Variants in MTMR7 observed in about 807,000 individuals in gnomAD.
MTMR7 encodes myotubularin related protein 7.
Under a neutral mutation model 81.2 loss-of-function variants are expected in MTMR7, and 76 were observed. That is an observed-to-expected ratio of 0.94 (90% CI 0.78 to 1.13). The LOEUF (loss-of-function observed/expected upper bound fraction) is 1.13. MTMR7 is among the 50% of genes most tolerant of loss of function. The probability of loss-of-function intolerance (pLI) is 0.00; values close to 1 mark genes in which losing one functional copy is unlikely to be tolerated. For missense variants in MTMR7, 1,044 were observed against 820.0 expected (o/e 1.27, Z -3.34); for synonymous variants, 372 against 289.8 (o/e 1.28, Z -2.88).
intron 1 of MTMR7, among the ~76,000 whole-genome samples, chr8:17,378,467 T>C (rs1447945857): frequency 6.6e-6 from 1 of 152,138 alleles, no homozygotes; most frequent in Non-Finnish European, 1.5e-5. Context: ...AGCCTTACTG[T>C]TGGGCTAACT....
At chr8:17,301,183 A>G (rs947094605) in intron 13 of MTMR7, among the ~76,000 whole-genome samples, 6 of 152,246 alleles carry the variant, frequency 3.9e-5, no homozygotes, top group Non-Finnish European at 8.8e-5. Context: ...GAAAAGAGAT[A>G]GATAAATACA....
chr8:17,327,096 A>G (rs1457021334), intron 7 of MTMR7, among the ~76,000 whole-genome samples: 1 of 152,216 alleles, frequency 6.6e-6, no homozygotes, highest in Non-Finnish European at 1.5e-5. Flanking sequence ...TACATTATAC[A>G]TATTCTCCCA....
chr8:17,333,697 A>G (rs1224462985), intron 6 of MTMR7, among the ~76,000 whole-genome samples: 1 of 152,168 alleles, frequency 6.6e-6, no homozygotes, highest in Non-Finnish European at 1.5e-5. Context: ...AAAAAAATGC[A>G]AAAATTAGCC....
In MTMR7 at chr8:17,331,280, A is replaced by T; in HGVS notation, c.735T>A (p.Leu245=). Residue 245 remains leucine, a splice_region_variant and synonymous_variant, in exon 7 of 14, where the codon CTT becomes CTA. Coordinates refer to ENST00000180173, the MANE Select transcript of MTMR7 (RefSeq NM_004686.5). Reference sequence around the variant, plus strand: ...CTGCAGCACGATTTGCCATTGCATTAAGCTGCAGTGGTCAGCAAAACAGAA... The same window carrying T: ...CTGCAGCACGATTTGCCATTGCATTTAGCTGCAGTGGTCAGCAAAACAGAA... The part of the protein sequence containing the change: ...FVYVVDTRPK[L]NAMANRAAGK... 1 of 1,598,410 alleles carries T rather than the reference A, an allele frequency of 6.3e-7. No homozygotes were observed. Among genetic ancestry groups the T allele is most frequent in the Non-Finnish European group, 8.5e-7 (1 of 1,174,794 alleles).
chr8:17,349,279 G>A, intron 4 of MTMR7, 198 bp from the exon 5 acceptor site: 1 of 539,058 alleles, frequency 1.9e-6, no homozygotes, highest in Non-Finnish European at 3.2e-6. Context: ...TCATTCTGAA[G>A]GAACGCAAGC....
chr8:17,307,286 T>A (rs1213033376), intron 10 of MTMR7, among the ~76,000 whole-genome samples: 1 of 152,094 alleles, frequency 6.6e-6, no homozygotes, highest in African/African-American at 2.4e-5. Context: ...CATGAAAAAA[T>A]GCTCATCATC....
intron 7 of MTMR7, 118 bp from the exon 8 acceptor site, chr8:17,313,519 GCAA>G (rs1817902386): frequency 1.9e-4 from 53 of 271,806 alleles, no homozygotes; most frequent in Non-Finnish European, 2.9e-4. Flanking sequence ...TTTTCTGGAA[GCAA>G]GCCTTAAGTC....
chr8:17,368,421 C>T (rs780960610), intron 3 of MTMR7, among the ~76,000 whole-genome samples: 5 of 152,136 alleles, frequency 3.3e-5, no homozygotes, highest in Admixed American at 2.6e-4. Context: ...ACCAGAATAT[C>T]GAGAGAGCTA....
intron 7 of MTMR7, among the ~76,000 whole-genome samples, chr8:17,329,951 A>G (rs1220144980): frequency 6.6e-6 from 1 of 152,204 alleles, no homozygotes; most frequent in East Asian, 1.9e-4. Flanking sequence ...AGATGTAGGA[A>G]GGGATTTCTG....
intron 1 of MTMR7, among the ~76,000 whole-genome samples, chr8:17,400,453 A>G (rs1011922498): frequency 1.3e-5 from 2 of 152,172 alleles, no homozygotes; most frequent in African/African-American, 4.8e-5. Context: ...TGATGTTGAG[A>G]ACAGGAAAGA....
intron 1 of MTMR7, among the ~76,000 whole-genome samples, chr8:17,412,420 T>C (rs780505584): frequency 6.6e-6 from 1 of 152,104 alleles, no homozygotes; most frequent in Admixed American, 6.5e-5. Context: ...AGACAGCCAA[T>C]AGGGTTTTTA....
chr8:17,376,639 C>A (rs764376161), intron 1 of MTMR7, among the ~76,000 whole-genome samples: 4 of 152,196 alleles, frequency 2.6e-5, no homozygotes, highest in South Asian at 4.1e-4. Flanking sequence ...TCCTAATATG[C>A]GATCTCATTG....
chr8:17,345,213 C>A (rs146663111), intron 5 of MTMR7, among the ~76,000 whole-genome samples: 10 of 152,246 alleles, frequency 6.6e-5, no homozygotes, highest in Admixed American at 2.0e-4. Flanking sequence ...AATGGCCTCA[C>A]TGCAAGTTCC....
At chr8:17,368,246 C>A (rs1325591158) in intron 3 of MTMR7, among the ~76,000 whole-genome samples, 1 of 152,150 alleles carries the variant, frequency 6.6e-6, no homozygotes, top group Non-Finnish European at 1.5e-5. Flanking sequence ...CACGCTTGCA[C>A]GCCCGCCACT....
intron 1 of MTMR7, among the ~76,000 whole-genome samples, chr8:17,374,588 C>T (rs542349006): frequency 4.6e-5 from 7 of 151,674 alleles, no homozygotes; most frequent in Admixed American, 1.3e-4. Flanking sequence ...GCCACCGTAC[C>T]GTAGCCTGGC....
intron 4 of MTMR7, 105 bp downstream of exon 4, chr8:17,361,012 T>C: frequency 1.6e-6 from 2 of 1,251,906 alleles, no homozygotes; most frequent in Non-Finnish European, 2.2e-6. Context: ...CATATGGATA[T>C]CTACAAAGAG....
intron 1 of MTMR7, among the ~76,000 whole-genome samples, chr8:17,375,566 G>C (rs901505187): frequency 1.1e-4 from 15 of 142,592 alleles, no homozygotes; most frequent in Admixed American, 1.0e-3. Flanking sequence ...TGTATTTTTT[G>C]TGAATGGTCT....
chr8:17,341,537 A>C (rs755891081), intron 5 of MTMR7, 40 bp from the exon 6 acceptor site: 2 of 1,607,688 alleles, frequency 1.2e-6, no homozygotes, highest in Non-Finnish European at 1.7e-6. Flanking sequence ...CCATCAGGTA[A>C]CTGTACCCAT....
chr8:17,331,065 A>T, intron 7 of MTMR7, 85 bp downstream of exon 7: 1 of 1,489,930 alleles, frequency 6.7e-7, no homozygotes, highest in Non-Finnish European at 9.0e-7. Flanking sequence ...ATGTAAAAAC[A>T]TTTTAAAATC....
Sources: gnomAD v4.1 joint callset for allele counts (sites outside exome capture counted in the v4.1 genomes callset) on GRCh38, gnomAD v4.1.1 for gene constraint, MANE v1.5 for transcripts, NCBI Gene and HGNC (gene_info 2026-07-23, HGNC 2026-07-21) for gene names.